NBEA: variants seen among roughly 807,000 people sequenced by gnomAD.
The protein encoded by NBEA is lysosomal-trafficking regulator 2.
NBEA carries 44 observed loss-of-function variants against 343.4 expected under a neutral mutation model. The ratio of observed to expected loss-of-function variants is 0.13; its 90% CI spans 0.10 to 0.16. The LOEUF (loss-of-function observed/expected upper bound fraction) is 0.16. Among genes scored for constraint, NBEA ranks in the 10% least tolerant of loss-of-function variants. The probability of loss-of-function intolerance (pLI) is 1.00; values close to 1 mark genes in which losing one functional copy is unlikely to be tolerated. For synonymous variants in NBEA, 1,175 were observed against 1,238.7 expected, an observed-to-expected ratio of 0.95 and a Z score of 1.08; for missense variants, 2,555 against 3,631.3, an observed-to-expected ratio of 0.70 and a Z score of 7.62.
At chr13:35,027,824 A>G (rs1262168933) in intron 1 of NBEA, among the ~76,000 whole-genome samples, 1 of 151,990 alleles carries the variant, frequency 6.6e-6, no homozygotes, top group Non-Finnish European at 1.5e-5. Flanking sequence ...TTAAACTATG[A>G]TTAATTATGA....
chr13:35,349,206 C>T lies in NBEA; in HGVS notation c.6002C>T (p.Ala2001Val). The T allele has an allele frequency of 6.3e-7, 1 of 1,589,302 alleles. No homozygotes were observed. Among genetic ancestry groups the T allele is most frequent in the Non-Finnish European group, 8.6e-7 (1 of 1,165,372 alleles). ...AGAGCCGAGGATGTACATAAACATG[C>T]AGAGTTTGAGGTAAGGTTTTGGGAG... ...RQRAEDVHKH[A>V]EFESQCAQYA... Residue 2001 changes from alanine to valine, a missense_variant, in exon 37 of 59, where the codon GCA (alanine) becomes GTA (valine). Physicochemically the swap from Ala to Val is moderately conservative, Grantham distance 64 (BLOSUM62 0). Coordinates refer to ENST00000379939, the MANE Select transcript of NBEA (RefSeq NM_001385012.1).
intron 1 of NBEA, among the ~76,000 whole-genome samples, chr13:34,994,702 T>C (rs560984502): frequency 1.3e-5 from 2 of 152,298 alleles, no homozygotes; most frequent in Non-Finnish European, 2.9e-5. Flanking sequence ...AGGTAACTTG[T>C]TGATAAGTTG....
intron 32 of NBEA, among the ~76,000 whole-genome samples, chr13:35,210,218 T>C (rs565408887): frequency 1.3e-5 from 2 of 152,064 alleles, no homozygotes; most frequent in East Asian, 3.9e-4. Flanking sequence ...AGAGTTTTGA[T>C]GATAATATAA....
intron 39 of NBEA, among the ~76,000 whole-genome samples, chr13:35,432,632 CAT>C (rs2045196762): frequency 6.6e-6 from 1 of 151,864 alleles, no homozygotes; most frequent in Non-Finnish European, 1.5e-5. Context: ...ATGGACTTCA[CAT>C]AGTTAGTTAT....
At chr13:35,630,471 CA>C (rs1188019506) in intron 49 of NBEA, among the ~76,000 whole-genome samples, 5 of 152,088 alleles carry the variant, frequency 3.3e-5, no homozygotes, top group Non-Finnish European at 5.9e-5. Flanking sequence ...ATGGTCTGAA[CA>C]ATATCTTGTA....
intron 38 of NBEA, among the ~76,000 whole-genome samples, chr13:35,391,274 CAAA>C (rs76463042): frequency 3.1e-5 from 3 of 97,210 alleles, no homozygotes. Flanking sequence ...GACTTGATCT[CAAA>C]AAAAAAAAAA....
chr13:35,422,531 C>A, intron 38 of NBEA, among the ~76,000 whole-genome samples: 1 of 152,114 alleles, frequency 6.6e-6, no homozygotes, highest in African/African-American at 2.4e-5. Flanking sequence ...GCCACATTTT[C>A]TTAATCCAGT....
chr13:35,173,374 G>C (rs2070620328), intron 26 of NBEA, 90 bp from the exon 27 acceptor site: 2 of 1,166,254 alleles, frequency 1.7e-6, no homozygotes, highest in Non-Finnish European at 1.2e-6. Context: ...CAAGGGGAAA[G>C]AAAGGGAAGA....
intron 38 of NBEA, among the ~76,000 whole-genome samples, chr13:35,365,810 A>T (rs1466095248): frequency 6.6e-6 from 1 of 151,654 alleles, no homozygotes; most frequent in Non-Finnish European, 1.5e-5. Flanking sequence ...TCCTTTTTTT[A>T]TAACAACATA....
intron 34 of NBEA, among the ~76,000 whole-genome samples, chr13:35,268,580 A>G (rs986968143): frequency 6.6e-6 from 1 of 152,134 alleles, no homozygotes; most frequent in African/African-American, 2.4e-5. Context: ...TCTATTAAAA[A>G]TAACACAAAC....
At chr13:35,610,425 A>C (rs2082457959) in intron 48 of NBEA, among the ~76,000 whole-genome samples, 1 of 152,176 alleles carries the variant, frequency 6.6e-6, no homozygotes, top group African/African-American at 2.4e-5. Flanking sequence ...ATAAAATAAA[A>C]TAAAGATAAA....
chr13:35,587,266 G>GAC (rs2081331688), intron 46 of NBEA, among the ~76,000 whole-genome samples: 1 of 152,182 alleles, frequency 6.6e-6, no homozygotes, highest in Non-Finnish European at 1.5e-5. Context: ...CTGGGCTTAA[G>GAC]TAGCCCATGA....
chr13:34,975,792 A>G (rs1280707959), intron 1 of NBEA, among the ~76,000 whole-genome samples: 1 of 152,228 alleles, frequency 6.6e-6, no homozygotes, highest in Non-Finnish European at 1.5e-5. Context: ...TCAAAAGAAG[A>G]TATACAGATG....
chr13:35,205,915 G>A (rs932126267), intron 31 of NBEA, among the ~76,000 whole-genome samples: 2 of 151,982 alleles, frequency 1.3e-5, no homozygotes, highest in African/African-American at 4.8e-5. Context: ...TTAATGGGGA[G>A]GAGAATGAAG....
chr13:35,079,848 A>G (rs1336726716), intron 10 of NBEA, among the ~76,000 whole-genome samples: 1 of 151,912 alleles, frequency 6.6e-6, no homozygotes, highest in Admixed American at 6.6e-5. Context: ...TTCTCATGGG[A>G]TGTGGGCCCT....
Position 35,031,179 on chromosome 13 carries a change from G to A in NBEA, c.295-9754G>A, listed in dbSNP as rs570071046. The stretch of plus-strand genomic sequence containing the variant: ...CTATTGGTTCAATCAATAAGTGTCC[G>A]TATTGTTGATTTTCCAACCTTTTGT... On this transcript the variant is annotated intron_variant, in intron 1 of 58. Coordinates refer to ENST00000379939, the MANE Select transcript of NBEA (RefSeq NM_001385012.1). Among the ~76,000 whole-genome samples the A allele has an allele frequency of 2.1e-3, 321 of 151,712 alleles. 1 individual carries two copies. Among genetic ancestry groups the A allele is most frequent in the African/African-American group, 7.3e-3 (305 of 41,512 alleles).
At chr13:35,435,308 C>T (rs143751303) in intron 39 of NBEA, among the ~76,000 whole-genome samples, 6 of 152,212 alleles carry the variant, frequency 3.9e-5, no homozygotes, top group African/African-American at 4.8e-5. Flanking sequence ...CCACTGCGCT[C>T]GGCCTTACAG....
At chr13:35,329,181 T>C (rs116849917) in intron 36 of NBEA, among the ~76,000 whole-genome samples, 2,265 of 152,006 alleles carry the variant, frequency 0.015, 25 homozygotes, top group Non-Finnish European at 0.021. Flanking sequence ...AATAAATAGA[T>C]TGTCAACACC....
intron 38 of NBEA, among the ~76,000 whole-genome samples, chr13:35,353,535 CTT>C (rs1044052285): frequency 3.9e-4 from 59 of 152,082 alleles, no homozygotes; most frequent in African/African-American, 1.2e-3. Context: ...TTTTTTAAAA[CTT>C]TATTAATTTT....
Sources: gnomAD v4.1 joint callset for allele counts (sites outside exome capture counted in the v4.1 genomes callset) on GRCh38, gnomAD v4.1.1 for gene constraint, MANE v1.5 for transcripts, NCBI Gene and HGNC (gene_info 2026-07-23, HGNC 2026-07-21) for gene names.